Variants in PARD3B observed in about 807,000 individuals in gnomAD.
The protein encoded by PARD3B is partitioning defective 3 homolog B.
Under a neutral mutation model 130.2 loss-of-function variants are expected in PARD3B, and 103 were observed. The observed-to-expected ratio is 0.79, with a 90% CI of 0.67 to 0.93. The LOEUF is 0.93. PARD3B is among the 40% of genes least tolerant of loss of function. The probability of loss-of-function intolerance (pLI) is 0.00; values close to 1 mark genes in which losing one functional copy is unlikely to be tolerated. For synonymous variants in PARD3B, 583 were observed against 553.2 expected (o/e 1.05, Z -0.76); for missense variants, 1,609 against 1,499.2 (o/e 1.07, Z -1.21).
At chr2:205,293,851 C>T (rs1015992496) in intron 16 of PARD3B, 1 of 151,994 alleles carries the variant, frequency 6.6e-6, no homozygotes, top group Admixed American at 6.6e-5. Flanking sequence ...TTTCCTACAA[C>T]AAATATTTGT....
In PARD3B at chr2:205,104,442, T is replaced by G. The variant is rs1449451489; in HGVS notation, c.521T>G (p.Leu174Trp). The G allele has an allele frequency of 2.2e-5, 36 of 1,600,700 alleles. No individual in the cohort carries two copies. The highest frequency in any genetic ancestry group is 3.1e-5 in the Non-Finnish European group (36 of 1,167,998). Reference protein sequence around the residue: ...KLVVPDSTQNLEDREVLNGVQ... With the variant: ...KLVVPDSTQNWEDREVLNGVQ... Reference sequence around the variant, plus strand: ...TCACTATAGGATTCCACGCAGAACTTGGAAGACAGAGAAGTTTTGAATGGT... The same window carrying G: ...TCACTATAGGATTCCACGCAGAACTGGGAAGACAGAGAAGTTTTGAATGGT... Residue 174 changes from leucine to tryptophan, a missense_variant, in exon 5 of 23, where the codon TTG becomes TGG. Coordinates refer to ENST00000406610, the MANE Select transcript of PARD3B (RefSeq NM_001302769.2).
chr2:205,429,808 A>T (rs1458959049), intron 19 of PARD3B, among the ~76,000 whole-genome samples: 1 of 152,152 alleles, frequency 6.6e-6, no homozygotes, highest in African/African-American at 2.4e-5. Context: ...TGGAGACCAG[A>T]AGTCTGAAAT....
At chr2:205,493,984 C>T (rs941167089) in intron 20 of PARD3B, among the ~76,000 whole-genome samples, 1 of 151,982 alleles carries the variant, frequency 6.6e-6, no homozygotes, top group African/African-American at 2.4e-5. Flanking sequence ...TAGTCTCGAA[C>T]TCCTGACCTC....
chr2:204,785,842 G>A (rs2041988854), intron 2 of PARD3B, among the ~76,000 whole-genome samples: 1 of 152,186 alleles, frequency 6.6e-6, no homozygotes, highest in African/African-American at 2.4e-5. Flanking sequence ...GGTTGGGTGT[G>A]GTGGCTCACG....
Position 205,287,807 on chromosome 2 carries a change from T to C in PARD3B, c.2186-12723T>C, listed in dbSNP as rs2041452611. ...TCTGAGGTAGAGTAAAGCAAGTGTT[T>C]CCATGTACCCTGACATCTCAGTACA... On this transcript the variant is annotated intron_variant, in intron 16 of 22. Coordinates refer to ENST00000406610, the MANE Select transcript of PARD3B (RefSeq NM_001302769.2). The surrounding 1 kb of genome is among the most constrained non-coding windows in gnomAD (Gnocchi z 4.8). Among the ~76,000 whole-genome samples, 1 of 152,126 alleles carries C rather than the reference T, an allele frequency of 6.6e-6. No homozygotes were observed. The highest frequency in any genetic ancestry group is 1.5e-5 in the Non-Finnish European group (1 of 68,042).
intron 10 of PARD3B, among the ~76,000 whole-genome samples, chr2:205,135,984 G>C (rs762276801): frequency 6.6e-6 from 1 of 152,068 alleles, no homozygotes; most frequent in Non-Finnish European, 1.5e-5. Flanking sequence ...ATATTGTTAT[G>C]TCTCTTTAAG....
intron 18 of PARD3B, among the ~76,000 whole-genome samples, chr2:205,339,899 A>AAGACAGGGG (rs2043455459): frequency 6.6e-6 from 1 of 152,166 alleles, no homozygotes; most frequent in South Asian, 2.1e-4. Context: ...TGTCCCTTGG[A>AAGACAGGGG]AGACAGGGGA....
intron 2 of PARD3B, among the ~76,000 whole-genome samples, chr2:204,818,054 T>C (rs1204211714): frequency 2.6e-5 from 4 of 152,170 alleles, no homozygotes; most frequent in African/African-American, 9.6e-5. Flanking sequence ...TCTTTATTTA[T>C]CAGTGCTGGT....
chr2:204,718,269 A>C (rs902843787), intron 2 of PARD3B, among the ~76,000 whole-genome samples: 14 of 151,636 alleles, frequency 9.2e-5, no homozygotes, highest in African/African-American at 3.4e-4. Context: ...TTCTTACTGC[A>C]TTAGTCTGTT....
chr2:205,318,162 G>A (rs776734741), intron 18 of PARD3B, among the ~76,000 whole-genome samples: 2 of 152,006 alleles, frequency 1.3e-5, no homozygotes, highest in Non-Finnish European at 2.9e-5. Context: ...TTCTCCCCCA[G>A]GGACTGTAAT....
chr2:204,616,534 C>T (rs1230275076), intron 1 of PARD3B, among the ~76,000 whole-genome samples: 1 of 152,136 alleles, frequency 6.6e-6, no homozygotes, highest in Non-Finnish European at 1.5e-5. Flanking sequence ...CAAAATGAAA[C>T]AGCCACTTTG....
intron 18 of PARD3B, among the ~76,000 whole-genome samples, chr2:205,380,767 A>C (rs1559034370): frequency 9.5e-6 from 1 of 104,906 alleles, no homozygotes; most frequent in African/African-American, 3.9e-5. Flanking sequence ...TAAAGAATAT[A>C]TATAATATAT....
chr2:204,871,749 T>C (rs980673638), intron 2 of PARD3B, among the ~76,000 whole-genome samples: 6 of 152,150 alleles, frequency 3.9e-5, no homozygotes, highest in African/African-American at 1.4e-4. Context: ...CTGTTGGGTG[T>C]AATTCTGCAT....
At chr2:204,841,986 T>A (rs959770448) in intron 2 of PARD3B, among the ~76,000 whole-genome samples, 2 of 152,154 alleles carry the variant, frequency 1.3e-5, no homozygotes, top group African/African-American at 4.8e-5. Flanking sequence ...ATAACATACT[T>A]CAGGTTGGTA....
intron 16 of PARD3B, among the ~76,000 whole-genome samples, chr2:205,295,725 T>TTCCC (rs2041765464): frequency 6.6e-6 from 1 of 152,170 alleles, no homozygotes; most frequent in African/African-American, 2.4e-5. Flanking sequence ...TTTTTAATGC[T>TTCCC]AAAGTGGGAA....
intron 4 of PARD3B, among the ~76,000 whole-genome samples, chr2:205,053,740 C>G (rs1699397846): frequency 6.6e-6 from 1 of 151,822 alleles, no homozygotes; most frequent in African/African-American, 2.4e-5. Flanking sequence ...AACACTGGAA[C>G]AAAATAAATG....
At chr2:205,370,232 A>G (rs1439316888) in intron 18 of PARD3B, among the ~76,000 whole-genome samples, 1 of 152,192 alleles carries the variant, frequency 6.6e-6, no homozygotes, top group Non-Finnish European at 1.5e-5. Context: ...AATTTTTTTA[A>G]GTGGAGGTCA....
chr2:205,087,226 C>G (rs1230602138), intron 4 of PARD3B, among the ~76,000 whole-genome samples: 2 of 152,084 alleles, frequency 1.3e-5, no homozygotes, highest in African/African-American at 4.8e-5. Context: ...TGTGAACTCC[C>G]CATTTGGTTT....
chr2:204,649,659 T>C lies in PARD3B; in HGVS notation c.121-36522T>C, dbSNP rs1245920640. Among the ~76,000 whole-genome samples the C allele has an allele frequency of 4.6e-5, 7 of 152,122 alleles. No individual in the cohort carries two copies. In the East Asian group the frequency reaches 1.4e-3, roughly 29 times the overall value. On this transcript the variant is annotated intron_variant, in intron 1 of 22. Transcript: ENST00000406610. ...TGACAAAGCTGACAAAAACAAGCAA[T>C]GGGGAAAAAACTCCCTATTCAATAA...
Sources: allele counts gnomAD v4.1 joint callset (sites outside exome capture counted in the v4.1 genomes callset), GRCh38; gene constraint gnomAD v4.1.1; non-coding constraint Gnocchi (gnomAD v3.1); transcripts MANE v1.5; gene names NCBI Gene and HGNC (gene_info 2026-07-23, HGNC 2026-07-21).